Variants in SPAG16 observed in about 807,000 individuals in gnomAD.
SPAG16 encodes the protein sperm-associated antigen 16 protein.
In SPAG16, 86 loss-of-function variants were observed where a neutral mutation model predicts 80.4. That is an observed-to-expected ratio of 1.07 (90% confidence interval 0.90 to 1.28). The LOEUF (loss-of-function observed/expected upper bound fraction) is 1.28, where lower values mean the gene tolerates loss of function less well. Ranked by LOEUF, SPAG16 falls within the 50% of genes most tolerant of loss-of-function variation. The pLI is 0.00. For synonymous variants in SPAG16, 294 were observed against 265.9 expected (o/e 1.11, Z -1.03); for missense variants, 870 against 765.3 (o/e 1.14, Z -1.61).
chr2:214,126,675 A>T (rs533090793), intron 14 of SPAG16, among the ~76,000 whole-genome samples: 1 of 151,814 alleles, frequency 6.6e-6, no homozygotes, highest in South Asian at 2.1e-4. Context: ...ACTTTAAAAG[A>T]CTCTTGCCAA....
At chr2:214,005,907 T>C (rs2047006677) in intron 12 of SPAG16, among the ~76,000 whole-genome samples, 1 of 152,168 alleles carries the variant, frequency 6.6e-6, no homozygotes, top group South Asian at 2.1e-4. Flanking sequence ...AATTGCAGTC[T>C]AGGGATTTAA....
chr2:214,275,887 G>A (rs1426401142), intron 15 of SPAG16, among the ~76,000 whole-genome samples: 3 of 152,206 alleles, frequency 2.0e-5, no homozygotes, highest in African/African-American at 4.8e-5. Context: ...AATATTGACA[G>A]TGGAGTGTTA....
chr2:213,668,456 T>C (rs1034153536), intron 10 of SPAG16, among the ~76,000 whole-genome samples: 1 of 152,112 alleles, frequency 6.6e-6, no homozygotes. Flanking sequence ...GTATGGAATG[T>C]CTTAATTAAA....
At chr2:214,215,004 T>A (rs959417383) in intron 15 of SPAG16, among the ~76,000 whole-genome samples, 4 of 151,942 alleles carry the variant, frequency 2.6e-5, no homozygotes, top group African/African-American at 9.7e-5. Flanking sequence ...CCCAGTACAA[T>A]GGTTATATGG....
At position 214,050,319 on chromosome 2, in the gene SPAG16, C is replaced by A. The variant is rs183506870; in HGVS notation, c.1527+36242C>A. On this transcript the variant is annotated intron_variant, in intron 13 of 15. Coordinates refer to ENST00000331683, the MANE Select transcript of SPAG16 (RefSeq NM_024532.5). Reference sequence around the variant, plus strand: ...AAAAAAAAAAAAAAATTCAGTTTATCTTGCGGATCCCAGGACTGCATATTT... The same window carrying A: ...AAAAAAAAAAAAAAATTCAGTTTATATTGCGGATCCCAGGACTGCATATTT... Among the ~76,000 whole-genome samples the A allele has an allele frequency of 2.0e-3, 296 of 151,310 alleles. 4 individuals are homozygous for A. Among genetic ancestry groups the A allele is most frequent in the East Asian group, 0.018 (92 of 5,130 alleles).
intron 10 of SPAG16, among the ~76,000 whole-genome samples, chr2:213,592,342 CTGTCT>C (rs551498776): frequency 1.4e-3 from 207 of 152,226 alleles, no homozygotes; most frequent in Admixed American, 3.7e-3. Flanking sequence ...TTTATTATAT[CTGTCT>C]TGTATTTTAG....
chr2:213,901,985 C>A (rs1456414641), intron 11 of SPAG16, among the ~76,000 whole-genome samples: 1 of 152,122 alleles, frequency 6.6e-6, no homozygotes, highest in Non-Finnish European at 1.5e-5. Flanking sequence ...AGCTCTGGAT[C>A]CTGGTCTGAA....
Position 214,243,192 on chromosome 2 carries a change from C to A in SPAG16, c.1720+93926C>A, listed in dbSNP as rs533572740. On this transcript the variant is annotated intron_variant, in intron 15 of 15. Coordinates refer to ENST00000331683, the MANE Select transcript of SPAG16 (RefSeq NM_024532.5). ...GATAAATGAGTTTTAATCAAATTGA[C>A]TGTAGAAATAGAACCAAAAGGAACA... Among the ~76,000 whole-genome samples, 3 of 152,144 alleles carry A rather than the reference C, an allele frequency of 2.0e-5. No individual in the cohort carries two copies. In the South Asian group the frequency reaches 6.2e-4, roughly 32 times the overall value.
intron 9 of SPAG16, among the ~76,000 whole-genome samples, chr2:213,467,138 T>A (rs2072740958): frequency 6.6e-6 from 1 of 152,142 alleles, no homozygotes; most frequent in African/African-American, 2.4e-5. Flanking sequence ...TTACAAGGGC[T>A]GTTGCAGGGT....
intron 5 of SPAG16, among the ~76,000 whole-genome samples, chr2:213,339,898 A>G (rs930061976): frequency 3.3e-5 from 5 of 152,154 alleles, no homozygotes; most frequent in African/African-American, 1.2e-4. Flanking sequence ...TTCTGGCAGC[A>G]TACCTTTAAT....
chr2:213,402,960 G>C (rs1441742800), intron 9 of SPAG16, among the ~76,000 whole-genome samples: 1 of 152,022 alleles, frequency 6.6e-6, no homozygotes, highest in East Asian at 1.9e-4. Flanking sequence ...GGATGGCTGG[G>C]TCAAATGGTA....
At chr2:214,402,362 C>T (rs1036213838) in intron 15 of SPAG16, among the ~76,000 whole-genome samples, 2 of 151,858 alleles carry the variant, frequency 1.3e-5, no homozygotes, top group African/African-American at 2.4e-5. Context: ...TATTGACAAC[C>T]GAGGTCCAAT....
At chr2:214,213,757 A>G (rs144150820) in intron 15 of SPAG16, among the ~76,000 whole-genome samples, 1 of 152,326 alleles carries the variant, frequency 6.6e-6, no homozygotes, top group African/African-American at 2.4e-5. Flanking sequence ...AACTCAAAAA[A>G]TCAATTCTAT....
At chr2:213,760,329 A>C (rs1022981878) in intron 10 of SPAG16, among the ~76,000 whole-genome samples, 2 of 152,164 alleles carry the variant, frequency 1.3e-5, no homozygotes, top group African/African-American at 2.4e-5. Context: ...AAAGGCAAAG[A>C]AGGACATTCT....
At chr2:213,348,085 A>G (rs572223151) in intron 6 of SPAG16, among the ~76,000 whole-genome samples, 10 of 152,286 alleles carry the variant, frequency 6.6e-5, no homozygotes, top group African/African-American at 9.6e-5. Flanking sequence ...TTAGGTGCAC[A>G]TATATTTAGG....
intron 10 of SPAG16, among the ~76,000 whole-genome samples, chr2:213,579,388 T>C (rs2060228504): frequency 6.6e-6 from 1 of 152,272 alleles, no homozygotes; most frequent in Non-Finnish European, 1.5e-5. Flanking sequence ...CAAGAAACTT[T>C]CTCTCCTGTT....
intron 15 of SPAG16, among the ~76,000 whole-genome samples, chr2:214,237,121 C>T (rs1689137067): frequency 6.6e-6 from 1 of 152,084 alleles, no homozygotes; most frequent in African/African-American, 2.4e-5. Flanking sequence ...ACAGCAATCA[C>T]ATAGCAAAAG....
At chr2:214,356,658 A>G (rs1445558362) in intron 15 of SPAG16, among the ~76,000 whole-genome samples, 5 of 151,930 alleles carry the variant, frequency 3.3e-5, no homozygotes, top group Non-Finnish European at 4.4e-5. Context: ...CAACATAAAC[A>G]TTTACCGTAA....
At chr2:214,191,835 T>C (rs1358964226) in intron 15 of SPAG16, among the ~76,000 whole-genome samples, 3 of 151,892 alleles carry the variant, frequency 2.0e-5, no homozygotes, top group African/African-American at 2.4e-5. Flanking sequence ...TATGTGTCCA[T>C]GTACTTATAA....
Sources: allele counts gnomAD v4.1 joint callset (sites outside exome capture counted in the v4.1 genomes callset), GRCh38; gene constraint gnomAD v4.1.1; transcripts MANE v1.5; gene names NCBI Gene and HGNC (gene_info 2026-07-23, HGNC 2026-07-21).